Variants in NUSAP1 observed in about 807,000 individuals in gnomAD.
NUSAP1 encodes the protein nucleolar and spindle-associated protein 1.
A neutral mutation model predicts 52.8 loss-of-function variants in NUSAP1; 32 were observed. The ratio of observed to expected loss-of-function variants is 0.61; its 90% confidence interval spans 0.46 to 0.81. The LOEUF is 0.81. NUSAP1 is among the 40% of genes least tolerant of loss of function. The probability of loss-of-function intolerance (pLI) is 0.00; values close to 1 mark genes in which losing one functional copy is unlikely to be tolerated. For missense variants in NUSAP1, 499 were observed against 522.3 expected (o/e 0.96, Z 0.43); for synonymous variants, 195 against 183.1 (o/e 1.06, Z -0.52).
chr15:41,365,867 C>T (rs888782575), intron 7 of NUSAP1: 12 of 177,884 alleles, frequency 6.7e-5, no homozygotes, highest in East Asian at 1.5e-4. Context: ...ACTACAGGTA[C>T]GTGCCACCAT....
chr15:41,362,467 G>C (rs1262305033), intron 6 of NUSAP1, among the ~76,000 whole-genome samples: 2 of 148,244 alleles, frequency 1.3e-5, no homozygotes, highest in Non-Finnish European at 3.0e-5. Context: ...ACCCAGGCTG[G>C]AGTGCAGTGG....
intron 2 of NUSAP1, chr15:41,343,972 C>T (rs907068312): frequency 6.6e-6 from 1 of 151,190 alleles, no homozygotes; most frequent in Admixed American, 6.6e-5. Flanking sequence ...AATCCCAGCA[C>T]TTTGGTAAGC....
In NUSAP1 at chr15:41,356,257, C is replaced by G. The variant is rs2048966247; in HGVS notation, c.550+117C>G. On this transcript the variant is annotated intron_variant, in intron 5 of 10. Coordinates refer to ENST00000559596, the MANE Select transcript of NUSAP1 (RefSeq NM_016359.5). The stretch of plus-strand genomic sequence containing the variant: ...CCAGTTTACATTCTAGTTCTCTCGT[C>G]TTTTAGGTTTGATATCTTGGGGAAC... The G allele has an allele frequency of 8.8e-6, 6 of 679,732 alleles. No individual in the cohort carries two copies. In the South Asian group the frequency reaches 9.8e-5, roughly 11 times the overall value. The allele number at this position is 679,732 out of a possible 1,614,324, so 42.1% of individuals were successfully genotyped here.
At chr15:41,377,858 G>A (rs947235479) in intron 10 of NUSAP1, among the ~76,000 whole-genome samples, 2 of 151,310 alleles carry the variant, frequency 1.3e-5, no homozygotes, top group African/African-American at 2.4e-5. Flanking sequence ...AAAATTAGCC[G>A]GGCGTGGTGG....
chr15:41,366,381 C>T, intron 7 of NUSAP1, among the ~76,000 whole-genome samples: 1 of 151,126 alleles, frequency 6.6e-6, no homozygotes, highest in Non-Finnish European at 1.5e-5. Flanking sequence ...ACCTCTGCCT[C>T]CCAGGTTCAA....
intron 8 of NUSAP1, among the ~76,000 whole-genome samples, chr15:41,373,536 G>A (rs1199705525): frequency 2.2e-5 from 3 of 133,838 alleles, no homozygotes; most frequent in Non-Finnish European, 4.6e-5. Context: ...TGCAACCTCC[G>A]CCTCCTGGGT....
chr15:41,363,325 GTC>G (rs1011436147), intron 6 of NUSAP1, among the ~76,000 whole-genome samples: 1 of 146,180 alleles, frequency 6.8e-6, no homozygotes, highest in Non-Finnish European at 1.5e-5. Context: ...CTGTGTGTGT[GTC>G]TCTCTCTCTC....
intron 3 of NUSAP1, among the ~76,000 whole-genome samples, chr15:41,349,922 A>T (rs2048720106): frequency 1.3e-5 from 2 of 151,718 alleles, no homozygotes; most frequent in African/African-American, 4.8e-5. Flanking sequence ...GGCCACCACC[A>T]CGCCCAACTA....
chr15:41,357,197 A>G (rs2049006167), intron 5 of NUSAP1, among the ~76,000 whole-genome samples: 1 of 151,956 alleles, frequency 6.6e-6, no homozygotes, highest in Admixed American at 6.6e-5. Context: ...GTGAAACCCC[A>G]TCTCTACTGA....
chr15:41,368,111 G>C (rs377026491), intron 7 of NUSAP1, among the ~76,000 whole-genome samples: 1 of 152,122 alleles, frequency 6.6e-6, no homozygotes, highest in Non-Finnish European at 1.5e-5. Context: ...GTCCTTTCTT[G>C]TGGGGGGATG....
In NUSAP1 at chr15:41,380,948, C is replaced by T. The variant is rs1349997771; in HGVS notation, c.*762C>T. ...TATTCATTTTATGGAAAAGACTAGG[C>T]TTTGCTTAGTATCATGTCCATGTTT... On this transcript the variant is annotated 3_prime_UTR_variant, in exon 11 of 11. Transcript: ENST00000559596. The T allele has an allele frequency of 6.6e-6, 1 of 152,150 alleles. No homozygotes were observed. Among genetic ancestry groups the T allele is most frequent in the Non-Finnish European group, 1.5e-5 (1 of 68,040 alleles). The allele number at this position is 152,150 out of a possible 1,614,324, so 9.4% of individuals were successfully genotyped here. A position where few individuals can be genotyped will look rare whatever the true frequency, so the allele number is the denominator to read the frequency against.
chr15:41,365,204 G>A (rs1197362774), intron 6 of NUSAP1, among the ~76,000 whole-genome samples, 198 bp from the exon 7 acceptor site: 1 of 152,142 alleles, frequency 6.6e-6, no homozygotes, highest in African/African-American at 2.4e-5. Context: ...GTCTCGCTCT[G>A]TTGCCAGGCT....
At chr15:41,335,862 T>G (rs1427635270) in intron 1 of NUSAP1, among the ~76,000 whole-genome samples, 5 of 148,840 alleles carry the variant, frequency 3.4e-5, no homozygotes, top group African/African-American at 1.2e-4. Flanking sequence ...CTAAATATAC[T>G]ATATTTTTAT....
intron 8 of NUSAP1, 128 bp downstream of exon 8, chr15:41,371,812 C>T (rs2049708992): frequency 1.8e-6 from 2 of 1,098,644 alleles, no homozygotes; most frequent in Non-Finnish European, 2.5e-6. Context: ...CTTTTGTCAC[C>T]CAGGCTAGAG....
Position 41,380,019 on chromosome 15 carries a change from G to C in NUSAP1, c.1233-74G>C, listed in dbSNP as rs931307515. The C allele has an allele frequency of 1.5e-5, 16 of 1,088,280 alleles. 1 individual carries two copies. The Admixed American group carries it at 4.0e-4, about 27-fold the overall frequency. The allele number at this position is 1,088,280 out of a possible 1,614,324, so 67.4% of individuals were successfully genotyped here. A position where few individuals can be genotyped will look rare whatever the true frequency, so the allele number is the denominator to read the frequency against. The stretch of plus-strand genomic sequence containing the variant: ...TCATTGCTTGGAAGTTTGGGTGTTA[G>C]TCCAACAATAGTTGCTTTAAAGTAT... On this transcript the variant is annotated intron_variant, in intron 10 of 10. Transcript: ENST00000559596.
chr15:41,356,795 T>G (rs146468983), intron 5 of NUSAP1, among the ~76,000 whole-genome samples: 38 of 152,326 alleles, frequency 2.5e-4, no homozygotes, highest in Non-Finnish European at 4.4e-4. Flanking sequence ...TGGTACAATA[T>G]CCACCTTCTA....
chr15:41,340,789 T>C (rs562341034), intron 1 of NUSAP1, among the ~76,000 whole-genome samples: 1 of 152,340 alleles, frequency 6.6e-6, no homozygotes, highest in Non-Finnish European at 1.5e-5. Flanking sequence ...GGTACCACTT[T>C]ATTACTAGCT....
chr15:41,379,981 A>G lies in NUSAP1; in HGVS notation c.1233-112A>G, dbSNP rs2050144763. On this transcript the variant is annotated intron_variant, in intron 10 of 10. Coordinates refer to ENST00000559596, the MANE Select transcript of NUSAP1 (RefSeq NM_016359.5). ...GCCCTCTAAGAGTCTGTTTTACACA[A>G]GTATGCTGGATGTCATTGCTTGGAA... The G allele has an allele frequency of 1.1e-5, 8 of 704,130 alleles. No homozygotes were observed. The South Asian group carries it at 1.2e-4, about 11-fold the overall frequency. The allele number at this position is 704,130 out of a possible 1,614,324, so 43.6% of individuals were successfully genotyped here. A position where few individuals can be genotyped will look rare whatever the true frequency, so the allele number is the denominator to read the frequency against.
At position 41,377,346 on chromosome 15, in the gene NUSAP1, A is replaced by C. The variant is rs1411914856; in HGVS notation, c.1232+42A>C. ...CCAGCTTTATAATTATTTTAATTTC[A>C]AAAGCAGCACCTCTGAGGGATAGGG... is the stretch of plus-strand genomic sequence containing the variant. On this transcript the variant is annotated intron_variant, in intron 10 of 10. Coordinates refer to ENST00000559596, the MANE Select transcript of NUSAP1 (RefSeq NM_016359.5). 4.3e-5 allele frequency: 48 copies of C among 1,112,482 alleles called. No individual in the cohort carries two copies. In the East Asian group the frequency reaches 1.3e-3, roughly 29 times the overall value. 68.9% of individuals were successfully genotyped at this position (1,112,482 alleles called of 1,614,324 possible). A position where few individuals can be genotyped will look rare whatever the true frequency, so the allele number is the denominator to read the frequency against.
Sources: allele counts gnomAD v4.1 joint callset (sites outside exome capture counted in the v4.1 genomes callset), GRCh38; gene constraint gnomAD v4.1.1; transcripts MANE v1.5; gene names NCBI Gene and HGNC (gene_info 2026-07-23, HGNC 2026-07-21).